FBXL17: variants seen among roughly 807,000 people sequenced by gnomAD.
FBXL17 encodes F-box and leucine rich repeat protein 17.
In FBXL17, 22 loss-of-function variants were observed where a neutral mutation model predicts 66.2. The ratio of observed to expected loss-of-function variants is 0.33; its 90% CI spans 0.24 to 0.47. The LOEUF (loss-of-function observed/expected upper bound fraction) is 0.47, where lower values mean the gene tolerates loss of function less well. Among genes scored for constraint, FBXL17 ranks in the 20% least tolerant of loss-of-function variants. The pLI is 1.00. For missense variants in FBXL17, 878 were observed against 948.2 expected, an observed-to-expected ratio of 0.93 and a Z score of 0.97; for synonymous variants, 474 against 400.5, an observed-to-expected ratio of 1.18 and a Z score of -2.19.
rs1580550080 is a variant in FBXL17, at chr5:108,171,291, A to C, written c.1745+14826T>G. Among the ~76,000 whole-genome samples the C allele has an allele frequency of 2.0e-5, 3 of 152,186 alleles. No homozygotes were observed. In the East Asian group the frequency reaches 5.8e-4, roughly 29 times the overall value. On this transcript the variant is annotated intron_variant, in intron 6 of 8. Coordinates refer to ENST00000542267, the MANE Select transcript of FBXL17 (RefSeq NM_001163315.3). ...TAAGTTTAACTGCTTGTTGCAACCA[A>C]CTATATTTTTAAATTCAGAATAAGG...
At chr5:108,031,671 A>C (rs1270334348) in intron 6 of FBXL17, among the ~76,000 whole-genome samples, 3 of 151,988 alleles carry the variant, frequency 2.0e-5, no homozygotes, top group African/African-American at 7.2e-5. Context: ...CTGGTCTCTC[A>C]AAAAAAAGTT....
chr5:108,358,614 G>A (rs1051220178), intron 3 of FBXL17, among the ~76,000 whole-genome samples: 5 of 152,012 alleles, frequency 3.3e-5, no homozygotes, highest in African/African-American at 9.7e-5. Flanking sequence ...TTACATACTC[G>A]TTAAAGATAC....
In FBXL17 at chr5:108,381,020, G is replaced by GCCGCCGCCGCCGCAGCCC. The variant is rs1211933399; in HGVS notation, c.654_671dup (p.Cys220_Gly225dup). The GCCGCCGCCGCCGCAGCCC allele has an allele frequency of 9.3e-6, 11 of 1,185,968 alleles. No homozygotes were observed. In the Admixed American group the frequency reaches 2.3e-4, roughly 24 times the overall value. The allele number at this position is 1,185,968 out of a possible 1,614,324, so 73.5% of individuals were successfully genotyped here. A position where few individuals can be genotyped will look rare whatever the true frequency, so the allele number is the denominator to read the frequency against. On this transcript the variant is annotated inframe_insertion, in exon 1 of 9. Coordinates refer to ENST00000542267, the MANE Select transcript of FBXL17 (RefSeq NM_001163315.3). ...CAGGCCCTCCCCCGCCACCGCCGCCGCCGCCGCCGCCGCAGCCCCCGCCGC... is the reference window on the plus strand; with the variant it reads ...CAGGCCCTCCCCCGCCACCGCCGCCGCCGCCGCCGCCGCAGCCCCCGCCGCCGCCGCAGCCCCCGCCGC...
chr5:108,006,455 A>G (rs1342979026), intron 7 of FBXL17, among the ~76,000 whole-genome samples: 1 of 152,242 alleles, frequency 6.6e-6, no homozygotes, highest in African/African-American at 2.4e-5. Flanking sequence ...GTTTTGGCCA[A>G]GTAAAAAGGT....
At chr5:108,145,551 C>T (rs1052362307) in intron 6 of FBXL17, among the ~76,000 whole-genome samples, 10 of 152,200 alleles carry the variant, frequency 6.6e-5, no homozygotes, top group Admixed American at 2.6e-4. Context: ...CATTTACTAA[C>T]GCAGAAATGT....
chr5:108,235,042 C>T (rs1444668794), intron 4 of FBXL17, among the ~76,000 whole-genome samples: 1 of 152,130 alleles, frequency 6.6e-6, no homozygotes, highest in Non-Finnish European at 1.5e-5. Context: ...ATTTTGTAAT[C>T]TGTGCTGAAA....
rs189279664 is a variant in FBXL17, at chr5:108,011,562, G to A, written c.1822+9363C>T. On this transcript the variant is annotated intron_variant, in intron 7 of 8. Transcript: ENST00000542267. ...CTCATGCCTGTAATTCCAGCACTTCGGGAGGCCAAGGCGTACAGGTCACTT... is the reference window on the plus strand; with the variant it reads ...CTCATGCCTGTAATTCCAGCACTTCAGGAGGCCAAGGCGTACAGGTCACTT... Among the ~76,000 whole-genome samples the A allele has an allele frequency of 2.1e-3, 327 of 152,186 alleles. 1 individual carries two copies. Among genetic ancestry groups the A allele is most frequent in the African/African-American group, 7.6e-3 (315 of 41,508 alleles).
At chr5:108,227,818 G>T (rs1050110679) in intron 4 of FBXL17, among the ~76,000 whole-genome samples, 1 of 152,076 alleles carries the variant, frequency 6.6e-6, no homozygotes, top group Admixed American at 6.6e-5. Context: ...CATTCTAAAG[G>T]CATTATGTTA....
At chr5:108,002,495 T>G (rs1054683250) in intron 7 of FBXL17, among the ~76,000 whole-genome samples, 2 of 152,118 alleles carry the variant, frequency 1.3e-5, no homozygotes, top group Non-Finnish European at 2.9e-5. Flanking sequence ...AAGAAAAAAC[T>G]TATGATGCTT....
intron 7 of FBXL17, among the ~76,000 whole-genome samples, chr5:108,004,180 T>G (rs975305871): frequency 2.6e-5 from 4 of 152,124 alleles, no homozygotes; most frequent in Non-Finnish European, 5.9e-5. Context: ...CACAAAAAAT[T>G]TAATTCCTAA....
At chr5:108,315,517 T>C (rs1759320611) in intron 4 of FBXL17, among the ~76,000 whole-genome samples, 1 of 151,398 alleles carries the variant, frequency 6.6e-6, no homozygotes, top group Admixed American at 6.6e-5. Flanking sequence ...CCCCAAGCTT[T>C]ATAATTTTAA....
intron 7 of FBXL17, among the ~76,000 whole-genome samples, chr5:107,990,442 G>T (rs946374365): frequency 1.3e-5 from 2 of 152,150 alleles, no homozygotes; most frequent in East Asian, 3.9e-4. Context: ...ATAATGATTA[G>T]AGCAAACTCT....
intron 3 of FBXL17, among the ~76,000 whole-genome samples, chr5:108,355,678 T>C (rs1382862164): frequency 6.6e-6 from 1 of 152,160 alleles, no homozygotes; most frequent in African/African-American, 2.4e-5. Flanking sequence ...TAAATGTATA[T>C]TGTGAATTCC....
intron 8 of FBXL17, chr5:107,878,794 C>G: frequency 1.0e-6 from 1 of 985,478 alleles, no homozygotes; most frequent in Non-Finnish European, 1.2e-6. Context: ...CTCACAGAGC[C>G]TCTCGTGTTT....
chr5:108,307,427 T>G (rs1580786363), intron 4 of FBXL17, among the ~76,000 whole-genome samples: 1 of 152,120 alleles, frequency 6.6e-6, no homozygotes, highest in South Asian at 2.1e-4. Context: ...CTGCCTCAGC[T>G]TCCCGAGTAG....
At chr5:107,929,607 G>T (rs936061510) in intron 7 of FBXL17, among the ~76,000 whole-genome samples, 8 of 152,016 alleles carry the variant, frequency 5.3e-5, no homozygotes, top group Non-Finnish European at 1.2e-4. Context: ...ATATTAATTT[G>T]GTGTAAAAGG....
intron 4 of FBXL17, among the ~76,000 whole-genome samples, chr5:108,333,851 G>C (rs1347226771): frequency 1.3e-5 from 2 of 152,124 alleles, no homozygotes; most frequent in Non-Finnish European, 2.9e-5. Flanking sequence ...TGTGCAAAGA[G>C]TTAATTCAAA....
intron 4 of FBXL17, among the ~76,000 whole-genome samples, chr5:108,308,702 T>TTA (rs1758972634): frequency 3.3e-5 from 5 of 152,152 alleles, no homozygotes; most frequent in Admixed American, 2.6e-4. Flanking sequence ...GGCCTTCACT[T>TTA]CCTCCATCCT....
chr5:107,934,964 T>C (rs943706706), intron 7 of FBXL17, among the ~76,000 whole-genome samples: 1 of 152,164 alleles, frequency 6.6e-6, no homozygotes, highest in African/African-American at 2.4e-5. Flanking sequence ...TCTGAAAATG[T>C]AGACCTCAAG....
Sources: allele counts gnomAD v4.1 joint callset (sites outside exome capture counted in the v4.1 genomes callset), GRCh38; gene constraint gnomAD v4.1.1; transcripts MANE v1.5; gene names NCBI Gene and HGNC (gene_info 2026-07-23, HGNC 2026-07-21).